FGF16: variants seen among roughly 807,000 people sequenced by gnomAD.
FGF16 encodes the protein metacarpal 4-5 fusion.
Under a neutral mutation model 8.5 loss-of-function variants are expected in FGF16, and 2 were observed. The ratio of observed to expected loss-of-function variants is 0.24; its 90% CI spans 0.10 to 0.75. The LOEUF (loss-of-function observed/expected upper bound fraction) is 0.75, where lower values mean the gene tolerates loss of function less well. FGF16 is among the 30% of genes least tolerant of loss of function. The pLI is 0.74. For missense variants in FGF16, 79 were observed against 87.4 expected (o/e 0.90, Z 0.38); for synonymous variants, 33 against 34.6 (o/e 0.95, Z 0.16).
At position 77,454,090 on chromosome X, in the gene FGF16, T is replaced by C. The variant is rs1218300740; in HGVS notation, c.275-67T>C. On this transcript the variant is annotated intron_variant, in intron 1 of 2. Transcript: ENST00000439435. ...TTGGGGACAAATGACTGGTAGCTCA[T>C]GTCACCTGAACAGCTTTCTCTTAGT... is the stretch of plus-strand genomic sequence containing the variant. 4 of 716,601 alleles carry C rather than the reference T, an allele frequency of 5.6e-6. No homozygotes were observed. The African/African-American group carries it at 8.6e-5, about 15-fold the overall frequency. The allele number at this position is 716,601 out of a possible 1,213,427, so 59.1% of individuals were successfully genotyped here.
At chrX:77,450,047 A>T (rs188182161) in intron 1 of FGF16, among the ~76,000 whole-genome samples, 1 of 112,344 alleles carries the variant, frequency 8.9e-6, no homozygotes, top group African/African-American at 3.2e-5. Context: ...GCACAGAAAG[A>T]GGTGGCGTTC....
chrX:77,448,023 A>G (rs2062546147), intron 1 of FGF16, 75 bp downstream of exon 1: 3 of 295,900 alleles, frequency 1.0e-5, no homozygotes. Flanking sequence ...GCTCAGGCGT[A>G]GGGCCCGCAG....
intron 1 of FGF16, among the ~76,000 whole-genome samples, chrX:77,448,153 G>T (rs1267781469): frequency 3.5e-5 from 4 of 113,549 alleles, no homozygotes; most frequent in African/African-American, 1.3e-4. Flanking sequence ...GGGCGGGGGC[G>T]CCTTGCGGTG....
intron 1 of FGF16, 148 bp from the exon 2 acceptor site, chrX:77,454,009 C>T (rs975183554): frequency 1.7e-4 from 80 of 475,136 alleles, no homozygotes; most frequent in Middle Eastern, 1.3e-3. Context: ...CCATTCTTGC[C>T]GCAAAAGATG....
At chrX:77,452,812 G>A (rs2147426533) in intron 1 of FGF16, among the ~76,000 whole-genome samples, 1 of 112,488 alleles carries the variant, frequency 8.9e-6, no homozygotes, top group South Asian at 3.7e-4. Context: ...GCACAGTGGT[G>A]CATGCCTGTA....
chrX:77,454,509 G>A (rs968090854), intron 2 of FGF16, among the ~76,000 whole-genome samples: 1 of 105,120 alleles, frequency 9.5e-6, no homozygotes, highest in Admixed American at 1.0e-4. Context: ...TAAAAAATTA[G>A]CCGGGCATGC....
intron 1 of FGF16, among the ~76,000 whole-genome samples, chrX:77,452,236 C>T (rs868964195): frequency 8.9e-6 from 1 of 112,410 alleles, no homozygotes; most frequent in African/African-American, 3.2e-5. Flanking sequence ...CTCAGCTGTA[C>T]GTCTTCTAGA....
At chrX:77,456,134 G>A (rs1323917656) in intron 2 of FGF16, 143 bp from the exon 3 acceptor site, 6 of 526,820 alleles carry the variant, frequency 1.1e-5, no homozygotes, top group Non-Finnish European at 2.0e-5. Context: ...TTGGAAGAAA[G>A]TTACCTCCAG....
chrX:77,454,272 G>C lies in FGF16; in HGVS notation c.378+12G>C. On this transcript the variant is annotated intron_variant, in intron 2 of 2. Coordinates refer to ENST00000439435, the MANE Select transcript of FGF16 (RefSeq NM_003868.3). ...AACTCTATGGGTCGGTAAGTTTAAG[G>C]TTTTTTTTTTTTTTTTTTTTTTTTT... 1 of 154,093 alleles carries C rather than the reference G, an allele frequency of 6.5e-6. No individual in the cohort carries two copies. The highest frequency in any genetic ancestry group is 1.1e-5 in the Non-Finnish European group (1 of 89,411). The allele number at this position is 154,093 out of a possible 1,213,427, so 12.7% of individuals were successfully genotyped here.
intron 2 of FGF16, among the ~76,000 whole-genome samples, chrX:77,456,029 A>C (rs782205217): frequency 4.2e-4 from 47 of 112,370 alleles, no homozygotes; most frequent in Non-Finnish European, 7.3e-4. Flanking sequence ...CATCTCCTCC[A>C]ATCTCCTCCC....
Position 77,450,588 on chromosome X carries a change from T to G in FGF16, c.274+2640T>G, listed in dbSNP as rs2062554279. On this transcript the variant is annotated intron_variant, in intron 1 of 2. Coordinates refer to ENST00000439435, the MANE Select transcript of FGF16 (RefSeq NM_003868.3). ...TGCAGCTGCCTTGGTTCTTGAGTGA[T>G]CTGGTTCTCATTTGGCAAGATGCCA... Among the ~76,000 whole-genome samples the G allele has an allele frequency of 5.3e-5, 6 of 112,486 alleles. No homozygotes were observed. The Admixed American group carries it at 5.6e-4, about 11-fold the overall frequency.
intron 2 of FGF16, among the ~76,000 whole-genome samples, chrX:77,454,890 C>T (rs1557027003): frequency 9.7e-6 from 1 of 102,907 alleles, no homozygotes; most frequent in Non-Finnish European, 2.0e-5. Context: ...TCCACCTCCC[C>T]TGTTCAAGTG....
chrX:77,452,932 C>G (rs1244678547), intron 1 of FGF16, among the ~76,000 whole-genome samples: 1 of 110,544 alleles, frequency 9.0e-6, no homozygotes, highest in African/African-American at 3.3e-5. Flanking sequence ...AAAAAATTAG[C>G]TGGGTGTGGT....
intron 1 of FGF16, among the ~76,000 whole-genome samples, chrX:77,448,943 G>A (rs1301544629): frequency 9.0e-6 from 1 of 111,098 alleles, no homozygotes; most frequent in Non-Finnish European, 1.9e-5. Context: ...TTCCTCCCAA[G>A]GACCCTATAA....
chrX:77,450,471 A>T (rs2062553794), intron 1 of FGF16, among the ~76,000 whole-genome samples: 1 of 112,661 alleles, frequency 8.9e-6, no homozygotes, highest in Non-Finnish European at 1.9e-5. Flanking sequence ...AAGGATACTG[A>T]CATTCCGAGG....
chrX:77,456,199 C>T (rs782210129), intron 2 of FGF16, 78 bp from the exon 3 acceptor site: 2 of 961,676 alleles, frequency 2.1e-6, no homozygotes, highest in South Asian at 4.3e-5. Context: ...ATTGCTATTT[C>T]AGGGTTTCTC....
At position 77,454,350 on chromosome X, in the gene FGF16, A is replaced by T. The variant is rs192916250; in HGVS notation, c.378+90A>T. The stretch of plus-strand genomic sequence containing the variant: ...TGTTTGGACAATGTAAAGCAAAAGT[A>T]TAAAAATATTTATCTGGGGACCAGG... On this transcript the variant is annotated intron_variant, in intron 2 of 2. Coordinates refer to ENST00000439435, the MANE Select transcript of FGF16 (RefSeq NM_003868.3). 105 of 502,374 alleles carry T rather than the reference A, an allele frequency of 2.1e-4. No individual in the cohort carries two copies. The East Asian group carries it at 4.5e-3, about 21-fold the overall frequency. 41.4% of individuals were successfully genotyped at this position (502,374 alleles called of 1,213,427 possible).
At chrX:77,453,985 C>A (rs944975696) in intron 1 of FGF16, among the ~76,000 whole-genome samples, 172 bp from the exon 2 acceptor site, 2 of 111,506 alleles carry the variant, frequency 1.8e-5, no homozygotes, top group African/African-American at 6.5e-5. Flanking sequence ...AGACTAAGTA[C>A]CTTCTCTGAG....
intron 2 of FGF16, among the ~76,000 whole-genome samples, chrX:77,454,670 T>G (rs2147427500): frequency 9.7e-6 from 1 of 103,107 alleles, no homozygotes; most frequent in African/African-American, 3.6e-5. Context: ...AAAAAGAAAT[T>G]TATCTAGCAC....
Sources: gnomAD v4.1 joint callset for allele counts (sites outside exome capture counted in the v4.1 genomes callset) on GRCh38, gnomAD v4.1.1 for gene constraint, MANE v1.5 for transcripts, NCBI Gene and HGNC (gene_info 2026-07-23, HGNC 2026-07-21) for gene names.